The following CACNA1B variants were observed in gnomAD, a reference collection of about 807,000 sequenced individuals.
The protein encoded by CACNA1B is calcium voltage-gated channel subunit alpha1 B.
A neutral mutation model predicts 247.2 loss-of-function variants in CACNA1B; 70 were observed. The observed-to-expected ratio is 0.28, with a 90% CI of 0.23 to 0.35. The LOEUF (loss-of-function observed/expected upper bound fraction) is 0.35. Ranked by LOEUF, CACNA1B falls within the 10% of genes least tolerant of loss-of-function variation. The pLI is 1.00. For missense variants in CACNA1B, 2,367 were observed against 3,197.4 expected (o/e 0.74, Z 6.26); for synonymous variants, 1,231 against 1,294.4 (o/e 0.95, Z 1.05).
In CACNA1B at chr9:138,044,068, A is replaced by G. The variant is rs543726908; in HGVS notation, c.3413+168A>G. On this transcript the variant is annotated intron_variant, in intron 21 of 46. Coordinates refer to ENST00000371372, the MANE Select transcript of CACNA1B (RefSeq NM_000718.4). Reference sequence around the variant, plus strand: ...ACGTGCCCGTGTGACCTCATTCTGCAGAAGAGGACACGGGCACAGGAGGCA... The same window carrying G: ...ACGTGCCCGTGTGACCTCATTCTGCGGAAGAGGACACGGGCACAGGAGGCA... Among the ~76,000 whole-genome samples, 3 of 152,322 alleles carry G rather than the reference A, an allele frequency of 2.0e-5. No individual in the cohort carries two copies. The East Asian group carries it at 5.8e-4, about 29-fold the overall frequency.
At position 138,122,215 on chromosome 9, in the gene CACNA1B, G is replaced by A; in HGVS notation, c.*216G>A. The A allele has an allele frequency of 1.7e-6, 1 of 589,068 alleles. No homozygotes were observed. Among genetic ancestry groups the A allele is most frequent in the Non-Finnish European group, 3.0e-6 (1 of 330,676 alleles). 36.5% of individuals were successfully genotyped at this position (589,068 alleles called of 1,614,324 possible). ...GCTCTCTCTGTCCCCTTCCTGTCCT[G>A]CCTTCCTGGGTCTCGTACCACACAC... On this transcript the variant is annotated 3_prime_UTR_variant, in exon 47 of 47. Transcript: ENST00000371372.
intron 15 of CACNA1B, among the ~76,000 whole-genome samples, chr9:138,000,403 A>G (rs1321459892): frequency 6.6e-6 from 1 of 152,134 alleles, no homozygotes; most frequent in Admixed American, 6.6e-5. Flanking sequence ...TGGCCAAAAC[A>G]TGCATTTTTA....
At chr9:137,987,037 G>T (rs560645063) in intron 15 of CACNA1B, among the ~76,000 whole-genome samples, 183 bp downstream of exon 15, 1 of 152,336 alleles carries the variant, frequency 6.6e-6, no homozygotes, top group East Asian at 1.9e-4. Context: ...CAGATCTCCA[G>T]GTCCGGGGGC....
At chr9:138,047,214 C>T (rs1018116492) in intron 22 of CACNA1B, among the ~76,000 whole-genome samples, 181 bp downstream of exon 22, 6 of 152,142 alleles carry the variant, frequency 3.9e-5, no homozygotes, top group Non-Finnish European at 5.9e-5. Flanking sequence ...AGACAGGGTG[C>T]GGCAGAGGGG....
At position 137,932,959 on chromosome 9, in the gene CACNA1B, GTC is replaced by G. The variant is rs1225033600; in HGVS notation, c.966+15536_966+15537del. 7.2e-5 allele frequency among the ~76,000 whole-genome samples: 11 copies of G among 151,864 alleles called. No individual in the cohort carries two copies. The East Asian group carries it at 2.1e-3, about 29-fold the overall frequency. On this transcript the variant is annotated intron_variant, in intron 6 of 46. Coordinates refer to ENST00000371372, the MANE Select transcript of CACNA1B (RefSeq NM_000718.4). The stretch of plus-strand genomic sequence containing the variant: ...TATTTATTATATTTTTTGAGATGGA[GTC>G]TCTCTCTGTCGCCTAGGCTGGAGTG...
At position 138,014,553 on chromosome 9, in the gene CACNA1B, G is replaced by T. The variant is rs1209075684; in HGVS notation, c.2267+1318G>T. 6.6e-6 allele frequency among the ~76,000 whole-genome samples: 1 copy of T among 152,186 alleles called. No homozygotes were observed. Among genetic ancestry groups the T allele is most frequent in the Admixed American group, 6.5e-5 (1 of 15,286 alleles). On this transcript the variant is annotated intron_variant, in intron 18 of 46. Coordinates refer to ENST00000371372, the MANE Select transcript of CACNA1B (RefSeq NM_000718.4). This position sits in a 1 kb window ranked among gnomAD's most constrained non-coding sequence, Gnocchi z 6.2. The stretch of plus-strand genomic sequence containing the variant: ...ATCTTTCATTGTCTTGGCCAATTCG[G>T]TTATTTGGTTCATTAGTTATTTAGT...
At chr9:138,004,105 C>A (rs964451005) in intron 15 of CACNA1B, among the ~76,000 whole-genome samples, 7 of 152,016 alleles carry the variant, frequency 4.6e-5, no homozygotes, top group Non-Finnish European at 8.8e-5. Flanking sequence ...ACATACCTGG[C>A]AGCTGCAGTT....
At position 138,051,978 on chromosome 9, in the gene CACNA1B, T is replaced by C. The variant is rs1373040142; in HGVS notation, c.3711-114T>C. ...CTCTCTGCTCCTGGGTCCTCCACCC[T>C]GGAGTCTGAGACAAAATGCACAGGG... On this transcript the variant is annotated intron_variant, in intron 24 of 46. Transcript: ENST00000371372. The surrounding 1 kb of genome is among the most constrained non-coding windows in gnomAD (Gnocchi z 4.3). 3.1e-6 allele frequency: 2 copies of C among 637,916 alleles called. No homozygotes were observed. The highest frequency in any genetic ancestry group is 3.5e-5 in the South Asian group (2 of 57,132). The allele number at this position is 637,916 out of a possible 1,614,324, so 39.5% of individuals were successfully genotyped here. A position where few individuals can be genotyped will look rare whatever the true frequency, so the allele number is the denominator to read the frequency against.
In CACNA1B at chr9:138,082,610, C is replaced by T. The variant is rs1053174615; in HGVS notation, c.5094+4352C>T. Among the ~76,000 whole-genome samples, 3 of 151,366 alleles carry T rather than the reference C, an allele frequency of 2.0e-5. 1 individual carries two copies. The East Asian group carries it at 6.1e-4, about 31-fold the overall frequency. On this transcript the variant is annotated intron_variant, in intron 36 of 46. Coordinates refer to ENST00000371372, the MANE Select transcript of CACNA1B (RefSeq NM_000718.4). ...TAGTTCACTAGGTACAGAGAAGCCT[C>T]TAGGCTGAACTTAAAATATATAAGG...
At position 137,913,340 on chromosome 9, in the gene CACNA1B, C is replaced by T. The variant is rs1212551915; in HGVS notation, c.622+69C>T. On this transcript the variant is annotated intron_variant, in intron 4 of 46. Coordinates refer to ENST00000371372, the MANE Select transcript of CACNA1B (RefSeq NM_000718.4). This position sits in a 1 kb window ranked among gnomAD's most constrained non-coding sequence, Gnocchi z 5.2. Reference sequence around the variant, plus strand: ...CCTCCTCTCCTACCCTCACCACGGACATGGCCATGGCCATGGTTTGGCTTT... The same window carrying T: ...CCTCCTCTCCTACCCTCACCACGGATATGGCCATGGCCATGGTTTGGCTTT... 3.4e-6 allele frequency: 4 copies of T among 1,162,026 alleles called. No individual in the cohort carries two copies. The highest frequency in any genetic ancestry group is 3.8e-6 in the Non-Finnish European group (3 of 788,988). 72.0% of individuals were successfully genotyped at this position (1,162,026 alleles called of 1,614,324 possible).
At position 138,072,140 on chromosome 9, in the gene CACNA1B, G is replaced by A. The variant is rs1960154368; in HGVS notation, c.4675-1348G>A. On this transcript the variant is annotated intron_variant, in intron 32 of 46. Coordinates refer to ENST00000371372, the MANE Select transcript of CACNA1B (RefSeq NM_000718.4). The surrounding 1 kb of genome is among the most constrained non-coding windows in gnomAD (Gnocchi z 4.5). ...TGAGGTCTACTGCTGCCGCCTTGCT[G>A]ATTTGGATCATAGCCCGTCCTTGTG... 6.6e-6 allele frequency among the ~76,000 whole-genome samples: 1 copy of A among 152,188 alleles called. No individual in the cohort carries two copies. Among genetic ancestry groups the A allele is most frequent in the Non-Finnish European group, 1.5e-5 (1 of 68,028 alleles).
In CACNA1B at chr9:138,054,663, A is replaced by C. The variant is rs1347462004; in HGVS notation, c.3968+657A>C. Among the ~76,000 whole-genome samples the C allele has an allele frequency of 6.6e-6, 1 of 152,206 alleles. No homozygotes were observed. The highest frequency in any genetic ancestry group is 2.4e-5 in the African/African-American group (1 of 41,458). On this transcript the variant is annotated intron_variant, in intron 26 of 46. Transcript: ENST00000371372. The surrounding 1 kb of genome is among the most constrained non-coding windows in gnomAD (Gnocchi z 4.6). The stretch of plus-strand genomic sequence containing the variant: ...CACGTGCACACGTCCGCCAGGGAGC[A>C]GTAGCAGTTTGGGGAGGTGTATCTG...
chr9:137,935,483 T>C (rs1162220030), intron 6 of CACNA1B, among the ~76,000 whole-genome samples: 1 of 152,236 alleles, frequency 6.6e-6, no homozygotes, highest in Non-Finnish European at 1.5e-5. Context: ...TGTGCCACAT[T>C]TTTCTAATCC....
intron 15 of CACNA1B, among the ~76,000 whole-genome samples, chr9:137,997,341 A>G (rs901120748): frequency 1.5e-4 from 23 of 152,372 alleles, no homozygotes; most frequent in Middle Eastern, 6.8e-3. Flanking sequence ...AAAATGAAAT[A>G]AAAATTGTCG....
intron 10 of CACNA1B, among the ~76,000 whole-genome samples, chr9:137,961,942 TC>T (rs999932107): frequency 2.6e-4 from 40 of 152,202 alleles, no homozygotes; most frequent in Non-Finnish European, 4.0e-4. Flanking sequence ...TAGAATAGTT[TC>T]AGTAGAATTG....
At chr9:138,116,541 T>C (rs1381600609) in intron 42 of CACNA1B, among the ~76,000 whole-genome samples, 2 of 152,204 alleles carry the variant, frequency 1.3e-5, no homozygotes, top group African/African-American at 2.4e-5. Context: ...TGACTGTATG[T>C]GCAGGTGGGA....
intron 12 of CACNA1B, among the ~76,000 whole-genome samples, chr9:137,978,437 C>G (rs960428736): frequency 6.6e-6 from 1 of 150,724 alleles, no homozygotes; most frequent in Non-Finnish European, 1.5e-5. Flanking sequence ...GGAGCACTGC[C>G]CCCCCGAGAA....
intron 6 of CACNA1B, among the ~76,000 whole-genome samples, chr9:137,942,409 G>A (rs574540357): frequency 3.0e-4 from 45 of 152,200 alleles, no homozygotes; most frequent in Non-Finnish European, 5.7e-4. Flanking sequence ...TATGGGAAAC[G>A]ATGTGGAGAT....
intron 35 of CACNA1B, 133 bp downstream of exon 35, chr9:138,076,043 A>G (rs911800032): frequency 5.3e-5 from 34 of 646,804 alleles, no homozygotes; most frequent in Non-Finnish European, 8.7e-5. Context: ...GCTTCCCCTC[A>G]GCAGGCCTTT....
Sources: allele counts gnomAD v4.1 joint callset (sites outside exome capture counted in the v4.1 genomes callset), GRCh38; gene constraint gnomAD v4.1.1; non-coding constraint Gnocchi (gnomAD v3.1); transcripts MANE v1.5; gene names NCBI Gene and HGNC (gene_info 2026-07-23, HGNC 2026-07-21).